CYP2A6: variants seen among roughly 807,000 people sequenced by gnomAD.
CYP2A6 encodes cytochrome P450 family 2 subfamily A member 6.
A neutral mutation model predicts 42.3 loss-of-function variants in CYP2A6; 27 were observed. That is an observed-to-expected ratio of 0.64 (90% CI 0.47 to 0.88). The LOEUF is 0.88. Among genes scored for constraint, CYP2A6 ranks in the 40% least tolerant of loss-of-function variants. The pLI is 0.00. For synonymous variants in CYP2A6, 238 were observed against 246.3 expected, an observed-to-expected ratio of 0.97 and a Z score of 0.31; for missense variants, 628 against 646.0, an observed-to-expected ratio of 0.97 and a Z score of 0.30.
intron 2 of CYP2A6, among the ~76,000 whole-genome samples, chr19:40,849,568 A>T (rs1304310197): frequency 1.3e-5 from 2 of 151,354 alleles, no homozygotes; most frequent in Admixed American, 1.3e-4. Context: ...GAGAGAGGGG[A>T]AAGAGGAGAC....
rs1342323558 is a variant in CYP2A6 at position 40,845,353 on chromosome 19, T to C, written c.1102A>G (p.Met368Val). 5 of 1,611,508 alleles carry C rather than the reference T, an allele frequency of 3.1e-6. No homozygotes were observed. Among genetic ancestry groups the C allele is most frequent in the African/African-American group, 2.7e-5 (2 of 74,528 alleles). ...TTTTTGACTCTGCGGGCCAAACTCA[T>C]GGGGATCACGTCTCCAAATCTTTGG... ...EIQRFGDVIP[M>V]SLARRVKKDT... is the part of the protein sequence containing the mutation. Residue 368 changes from methionine to valine, a missense_variant, in exon 7 of 9, where the codon ATG (methionine) becomes GTG (valine). Transcript: ENST00000301141.
At position 40,846,234 on chromosome 19, in the gene CYP2A6, C is replaced by G. The variant is rs570054380; in HGVS notation, c.832-137G>C. On this transcript the variant is annotated intron_variant, in intron 5 of 8. Transcript: ENST00000301141. ...GGACCCTAGATCTACCAGACTCGCT[C>G]TAGGTTCCAGCCCTTGCCCTGGCTG... 1.5e-3 allele frequency: 1,909 copies of G among 1,276,308 alleles called. 1 individual carries two copies. Among genetic ancestry groups the G allele is most frequent in the Middle Eastern group, 2.2e-3 (8 of 3,600 alleles). 79.1% of individuals were successfully genotyped at this position (1,276,308 alleles called of 1,614,324 possible).
Position 40,844,727 on chromosome 19 carries a change from T to TG in CYP2A6, c.1206dup (p.Ser403GlnfsTer17), listed in dbSNP as rs1429164430. On this transcript the variant is annotated frameshift_variant, in exon 8 of 9. Coordinates refer to ENST00000301141, the MANE Select transcript of CYP2A6 (RefSeq NM_000762.6). LOFTEE classifies it high-confidence loss of function. ...AAGTCCTGGGGGTTGGAGAAGAAAC[T>TG]GGGGTCTCTCAGCACAGAGCCCAGC... 1.2e-6 allele frequency: 2 copies of TG among 1,611,570 alleles called. No homozygotes were observed. Among genetic ancestry groups the TG allele is most frequent in the Admixed American group, 3.3e-5 (2 of 59,964 alleles).
rs1967144166 is a variant in CYP2A6, at chr19:40,848,660, G to A, written c.447C>T (p.Ile149=). The change falls in exon 3 of 9, where the codon ATC becomes ATT. Residue 149 remains isoleucine (I), a synonymous_variant. Transcript: ENST00000301141. ...GVGKRGIEER[I]QEEAGFLIDA... ...CGATGAGGAAGCCCGCCTCCTCCTG[G>A]ATGCGCTCCTCGATGCCTCGCTTGC... The A allele has an allele frequency of 2.5e-6, 4 of 1,612,002 alleles. No homozygotes were observed. Among genetic ancestry groups the A allele is most frequent in the Non-Finnish European group, 3.4e-6 (4 of 1,179,912 alleles).
chr19:40,850,095 C>A, intron 1 of CYP2A6, 115 bp from the exon 2 acceptor site: 2 of 1,537,346 alleles, frequency 1.3e-6, no homozygotes. Flanking sequence ...AGTCAGGGAG[C>A]TGGACATCCC....
At position 40,847,166 on chromosome 19, in the gene CYP2A6, G is replaced by C. The variant is rs2453799; in HGVS notation, c.655-115C>G. 2.8e-6 allele frequency: 4 copies of C among 1,444,790 alleles called. No individual in the cohort carries two copies. In the African/African-American group the frequency reaches 5.7e-5, roughly 21 times the overall value. The allele number at this position is 1,444,790 out of a possible 1,614,324, so 89.5% of individuals were successfully genotyped here. On this transcript the variant is annotated intron_variant, in intron 4 of 8. Transcript: ENST00000301141. ...GAACTGAGTTAAAGGCATCTGTCTCGTTGTTTAGGTATTTCAGTGGGGCCG... is the reference window on the plus strand; with the variant it reads ...GAACTGAGTTAAAGGCATCTGTCTCCTTGTTTAGGTATTTCAGTGGGGCCG...
At chr19:40,844,831 A>G in intron 7 of CYP2A6, 59 bp from the exon 8 acceptor site, 1 of 1,564,924 alleles carries the variant, frequency 6.4e-7, no homozygotes, top group Middle Eastern at 1.9e-4. Flanking sequence ...GTGAAAGTAC[A>G]CAGGGGCTGG....
chr19:40,849,903 G>A lies in CYP2A6; in HGVS notation c.258C>T (p.Ala86=), dbSNP rs201550898. ...RRVVVLCGHD[A]VREALVDQAE... is the part of the protein sequence containing the mutation. ...CCTGGTCCACCAGAGCCTCCCTGAC[G>A]GCATCATGTCCACACAGCACCACGA... Residue 86 remains alanine, a synonymous_variant, in exon 2 of 9, where the codon GCC becomes GCT. Coordinates refer to ENST00000301141, the MANE Select transcript of CYP2A6 (RefSeq NM_000762.6). 3.0e-5 allele frequency: 48 copies of A among 1,611,408 alleles called. No individual in the cohort carries two copies. The highest frequency in any genetic ancestry group is 3.4e-5 in the Non-Finnish European group (40 of 1,179,738).
At chr19:40,845,552 A>G in intron 6 of CYP2A6, 71 bp from the exon 7 acceptor site, 1 of 1,585,942 alleles carries the variant, frequency 6.3e-7, no homozygotes, top group Non-Finnish European at 8.6e-7. Flanking sequence ...CCGAATAGGC[A>G]AAATGGGGTG....
chr19:40,848,266 G>C lies in CYP2A6; in HGVS notation c.607C>G (p.Arg203Gly), dbSNP rs56256500. ...AACTGGAAGATTCCTAGCATCATGCGCAACAGTGACAGGAACTCTTTGTCC... is the reference window on the plus strand; with the variant it reads ...AACTGGAAGATTCCTAGCATCATGCCCAACAGTGACAGGAACTCTTTGTCC... ...YKDKEFLSLL[R>G]MMLGIFQFTS... Residue 203 changes from arginine (R) to glycine (G), a missense_variant, in exon 4 of 9, where the codon CGC becomes GGC. Arg to Gly is a moderately radical substitution (Grantham distance 125, BLOSUM62 -2). Coordinates refer to ENST00000301141, the MANE Select transcript of CYP2A6 (RefSeq NM_000762.6). 9 of 1,611,496 alleles carry C rather than the reference G, an allele frequency of 5.6e-6. No homozygotes were observed. The highest frequency in any genetic ancestry group is 1.3e-5 in the African/African-American group (1 of 74,534).
chr19:40,844,559 G>T (rs2083445724), intron 8 of CYP2A6, 72 bp downstream of exon 8: 1 of 1,608,330 alleles, frequency 6.2e-7, no homozygotes, highest in Non-Finnish European at 8.5e-7. Context: ...CTACACCGCA[G>T]AGAGGGGAGG....
chr19:40,850,305 G>A lies in CYP2A6; in HGVS notation c.122C>T (p.Pro41Leu), dbSNP rs769302279. The change falls in exon 1 of 9, where the codon CCC becomes CTC. Residue 41 changes from proline (P) to leucine (L), a missense_variant. This residue lies in a region of CYP2A6 where 606 missense variants were observed against 568.1 expected (regional missense o/e 1.07). Transcript: ENST00000301141. ...CAGCTGCAGGTAGTTTCCAATGAAG[G>A]GCAATGGGGTGGGTCCCGGAGGCAG... ...GKLPPGPTPL[P>L]FIGNYLQLNT... 1.9e-6 allele frequency: 3 copies of A among 1,610,110 alleles called. No individual in the cohort carries two copies. The highest frequency in any genetic ancestry group is 1.1e-5 in the South Asian group (1 of 90,790).
intron 7 of CYP2A6, 31 bp downstream of exon 7, chr19:40,845,263 C>A (rs758423225): frequency 5.6e-6 from 9 of 1,610,890 alleles, no homozygotes; most frequent in Non-Finnish European, 6.8e-6. Flanking sequence ...CTGGAAGTCC[C>A]CGTAGTCTGG....
chr19:40,844,816 G>A lies in CYP2A6; in HGVS notation c.1162-44C>T, dbSNP rs764540940. On this transcript the variant is annotated intron_variant, in intron 7 of 8. Transcript: ENST00000301141. ...TTGTGTGTGATGAGGAGGGTCGGGG[G>A]ATTGGTGAAAGTACACAGGGGCTGG... 1.3e-5 allele frequency: 21 copies of A among 1,583,876 alleles called. No individual in the cohort carries two copies. The African/African-American group carries it at 2.0e-4, about 15-fold the overall frequency.
Position 40,844,658 on chromosome 19 carries a change from T to C in CYP2A6, c.1276A>G (p.Ser426Gly), listed in dbSNP as rs1453968121. Residue 426 changes from serine (S) to glycine (G), a missense_variant, in exon 8 of 9, where the codon AGT becomes GGT. Ser to Gly is a moderately conservative substitution (Grantham distance 56, BLOSUM62 0). This residue lies in a region of CYP2A6 where 606 missense variants were observed against 568.1 expected (regional missense o/e 1.07). Transcript: ENST00000301141. ...ATGGAAAAGGGCACAAAAGCATCAC[T>C]CTTCTTAAACTGCCCCTTCTCATTC... Reference protein sequence around the residue: ...FLNEKGQFKKSDAFVPFSIGK... With the variant: ...FLNEKGQFKKGDAFVPFSIGK... 4 of 1,611,454 alleles carry C rather than the reference T, an allele frequency of 2.5e-6. No individual in the cohort carries two copies. The highest frequency in any genetic ancestry group is 3.4e-6 in the Non-Finnish European group (4 of 1,179,862).
rs761287104 is a variant in CYP2A6 at position 40,850,220 on chromosome 19, G to A, written c.180+27C>T. 3.8e-5 allele frequency: 61 copies of A among 1,597,338 alleles called. 2 individuals carry two copies. The Admixed American group carries it at 1.0e-3, about 27-fold the overall frequency. ...GCCAACTAGGCAGCCCCCACCCCGT[G>A]CCACCCATCTCCCTGCCTTGGGACA... On this transcript the variant is annotated intron_variant, in intron 1 of 8. Coordinates refer to ENST00000301141, the MANE Select transcript of CYP2A6 (RefSeq NM_000762.6).
intron 4 of CYP2A6, among the ~76,000 whole-genome samples, chr19:40,847,700 G>A (rs537939928): frequency 6.6e-6 from 1 of 151,576 alleles, no homozygotes; most frequent in African/African-American, 2.4e-5. Context: ...GGTTAGGGCA[G>A]CTGTCCATGT....
Position 40,843,947 on chromosome 19 carries a change from G to A in CYP2A6, c.1334C>T (p.Ala445Val), listed in dbSNP as rs149081295. Residue 445 changes from alanine to valine, a missense_variant, in exon 9 of 9, where the codon GCC (alanine) becomes GTC (valine). Physicochemically the swap from Ala to Val is moderately conservative, Grantham distance 64. Coordinates refer to ENST00000301141, the MANE Select transcript of CYP2A6 (RefSeq NM_000762.6). ...GAAGAAGAGAAAGAGCTCCATTCTG[G>A]CCAGGCCTTCTCCGAAACAGTTCCG... is the stretch of plus-strand genomic sequence containing the variant. ...GKRNCFGEGL[A>V]RMELFLFFTT... 6.2e-7 allele frequency: 1 copy of A among 1,609,728 alleles called. No homozygotes were observed. Among genetic ancestry groups the A allele is most frequent in the Non-Finnish European group, 8.5e-7 (1 of 1,178,880 alleles).
At position 40,850,264 on chromosome 19, in the gene CYP2A6, A is replaced by C; in HGVS notation, c.163T>G (p.Tyr55Asp). ...NYLQLNTEQMYNSLMKISERY... is the reference protein window; with the variant it reads ...NYLQLNTEQMDNSLMKISERY... ...TGGGACACCTTCATGAGGGAGTTGT[A>C]CATCTGCTCTGTGTTCAGCTGCAGG... Residue 55 changes from tyrosine (Y) to aspartate (D), a missense_variant, in exon 1 of 9, where the codon TAC (tyrosine) becomes GAC (aspartate). Around this residue, in one of 2 missense-constraint regions of CYP2A6, gnomAD observed 606 missense variants for 568.1 expected, o/e 1.07. Transcript: ENST00000301141. The C allele has an allele frequency of 6.2e-7, 1 of 1,609,422 alleles. No individual in the cohort carries two copies. Among genetic ancestry groups the C allele is most frequent in the Non-Finnish European group, 8.5e-7 (1 of 1,178,410 alleles).
Sources: gnomAD v4.1 joint callset for allele counts (sites outside exome capture counted in the v4.1 genomes callset) on GRCh38, gnomAD v4.1.1 for gene constraint, gnomAD v4.1.1 regional missense constraint, MANE v1.5 for transcripts, NCBI Gene and HGNC (gene_info 2026-07-23, HGNC 2026-07-21) for gene names.